LYPD6: variants seen among roughly 807,000 people sequenced by gnomAD.
LYPD6 encodes the protein ly6/PLAUR domain-containing protein 6.
Under a neutral mutation model 22.7 loss-of-function variants are expected in LYPD6, and 15 were observed. The observed-to-expected ratio is 0.66, with a 90% confidence interval of 0.44 to 1.02. The LOEUF is 1.02. Among genes scored for constraint, LYPD6 ranks in the 50% least tolerant of loss-of-function variants. The pLI is 0.00. For synonymous variants in LYPD6, 72 were observed against 77.5 expected, an observed-to-expected ratio of 0.93 and a Z score of 0.37; for missense variants, 189 against 208.4, an observed-to-expected ratio of 0.91 and a Z score of 0.57.
chr2:149,419,550 T>C (rs897066032), intron 1 of LYPD6, among the ~76,000 whole-genome samples: 4 of 152,214 alleles, frequency 2.6e-5, no homozygotes, highest in African/African-American at 7.2e-5. Flanking sequence ...TCGGACAGCA[T>C]TGACATAGAA....
intron 1 of LYPD6, among the ~76,000 whole-genome samples, chr2:149,416,896 G>T (rs1438392478): frequency 6.6e-6 from 1 of 152,176 alleles, no homozygotes; most frequent in Non-Finnish European, 1.5e-5. Flanking sequence ...TGAGTGGTGC[G>T]ATATGTGATA....
intron 1 of LYPD6, among the ~76,000 whole-genome samples, chr2:149,366,462 G>GGT (rs1227663477): frequency 2.0e-5 from 3 of 152,244 alleles, no homozygotes; most frequent in Admixed American, 1.3e-4. Context: ...AAGAGCCCCA[G>GGT]GTAGCTTCTG....
At chr2:149,454,024 T>G (rs969641565) in intron 3 of LYPD6, among the ~76,000 whole-genome samples, 2 of 152,250 alleles carry the variant, frequency 1.3e-5, no homozygotes, top group Non-Finnish European at 2.9e-5. Flanking sequence ...AGAATTCATT[T>G]GTAATTTACA....
At chr2:149,438,210 A>G (rs1467049450) in intron 2 of LYPD6, among the ~76,000 whole-genome samples, 6 of 152,196 alleles carry the variant, frequency 3.9e-5, no homozygotes, top group Non-Finnish European at 7.3e-5. Flanking sequence ...CTGTGCATCT[A>G]ATTCTCAATT....
downstream of LYPD6, among the ~76,000 whole-genome samples, chr2:149,476,234 A>T (rs1182132414): frequency 1.3e-5 from 2 of 152,136 alleles, no homozygotes. Context: ...TCTTACGAGG[A>T]CCATCATGGT....
At chr2:149,455,989 A>T (rs1680948808) in intron 3 of LYPD6, among the ~76,000 whole-genome samples, 1 of 152,242 alleles carries the variant, frequency 6.6e-6, no homozygotes. Flanking sequence ...GTTGTGATTC[A>T]GTCAGTTTGA....
chr2:149,353,127 G>A (rs1424933683), intron 1 of LYPD6, among the ~76,000 whole-genome samples: 1 of 152,210 alleles, frequency 6.6e-6, no homozygotes, highest in Non-Finnish European at 1.5e-5. Context: ...TCTTGGTAAA[G>A]TAAGCACAAA....
the LYPD6 span, among the ~76,000 whole-genome samples, chr2:149,485,717 G>T: frequency 1.3e-5 from 2 of 152,118 alleles, no homozygotes; most frequent in East Asian, 1.9e-4. Context: ...ATATTTATAG[G>T]TTTTATCTTT....
At chr2:149,433,055 T>G (rs1683352355) in intron 1 of LYPD6, among the ~76,000 whole-genome samples, 1 of 152,224 alleles carries the variant, frequency 6.6e-6, no homozygotes, top group Admixed American at 6.5e-5. Flanking sequence ...ATCCTTTCAG[T>G]CCTTTTACTA....
chr2:149,468,127 C>A (rs1241241603), intron 3 of LYPD6, among the ~76,000 whole-genome samples: 1 of 113,362 alleles, frequency 8.8e-6, no homozygotes, highest in African/African-American at 3.4e-5. Context: ...TAGCTGCTTC[C>A]CCCCAACACA....
chr2:149,333,120 A>T (rs901558636), intron 1 of LYPD6, among the ~76,000 whole-genome samples: 1 of 152,244 alleles, frequency 6.6e-6, no homozygotes, highest in Non-Finnish European at 1.5e-5. Context: ...GACAAAATAG[A>T]TGACTTAAAT....
At chr2:149,439,236 T>C (rs1336363540) in intron 2 of LYPD6, among the ~76,000 whole-genome samples, 2 of 152,232 alleles carry the variant, frequency 1.3e-5, no homozygotes, top group African/African-American at 4.8e-5. Context: ...TAGATTTCTA[T>C]TGTCTCTGTA....
intron 1 of LYPD6, among the ~76,000 whole-genome samples, chr2:149,403,449 T>C (rs1444161701): frequency 6.7e-6 from 1 of 149,776 alleles, no homozygotes; most frequent in African/African-American, 2.5e-5. Flanking sequence ...GGTATCTCAT[T>C]GTGGTTTTGA....
chr2:149,423,416 G>A (rs1477977911), intron 1 of LYPD6, among the ~76,000 whole-genome samples: 1 of 152,146 alleles, frequency 6.6e-6, no homozygotes, highest in East Asian at 1.9e-4. Context: ...TTGATAGGTG[G>A]GATGCAGATT....
intron 1 of LYPD6, among the ~76,000 whole-genome samples, chr2:149,403,366 A>G (rs1292469788): frequency 4.2e-4 from 63 of 150,292 alleles, no homozygotes; most frequent in Admixed American, 1.8e-3. Context: ...AAGTGTTCCT[A>G]TTTCTCCACA....
intron 1 of LYPD6, among the ~76,000 whole-genome samples, chr2:149,422,602 G>C (rs1448581298): frequency 6.6e-6 from 1 of 152,144 alleles, no homozygotes; most frequent in Non-Finnish European, 1.5e-5. Flanking sequence ...AGATTTTTTA[G>C]TGATGAGAGC....
At chr2:149,410,427 C>A (rs768472179) in intron 1 of LYPD6, among the ~76,000 whole-genome samples, 1 of 151,942 alleles carries the variant, frequency 6.6e-6, no homozygotes, top group African/African-American at 2.4e-5. Context: ...CAAGTGTGAA[C>A]CAAGTCGGAG....
At chr2:149,341,613 C>G (rs2105049511) in intron 1 of LYPD6, among the ~76,000 whole-genome samples, 1 of 152,214 alleles carries the variant, frequency 6.6e-6, no homozygotes, top group Admixed American at 6.5e-5. Flanking sequence ...GCTACTATAA[C>G]AAAATACCTG....
intron 1 of LYPD6, among the ~76,000 whole-genome samples, chr2:149,342,679 A>G (rs1165475176): frequency 3.3e-5 from 5 of 152,226 alleles, no homozygotes; most frequent in Admixed American, 1.3e-4. Flanking sequence ...ACAAAGAAAT[A>G]GACAAGGCCA....
Sources: allele counts gnomAD v4.1 joint callset (sites outside exome capture counted in the v4.1 genomes callset), GRCh38; gene constraint gnomAD v4.1.1; transcripts MANE v1.5; gene names NCBI Gene and HGNC (gene_info 2026-07-23, HGNC 2026-07-21).